C5: variants seen among roughly 807,000 people sequenced by gnomAD.
The protein encoded by C5 is C3 and PZP-like alpha-2-macroglobulin domain-containing protein 4.
C5 carries 140 observed loss-of-function variants against 218.8 expected under a neutral mutation model. The observed-to-expected ratio is 0.64, with a 90% CI of 0.56 to 0.74. The LOEUF (loss-of-function observed/expected upper bound fraction) is 0.74. Ranked by LOEUF, C5 falls within the 30% of genes least tolerant of loss-of-function variation. The pLI, the probability that C5 is intolerant of heterozygous loss-of-function variation, is 0.00. For missense variants in C5, 1,700 were observed against 1,969.6 expected (o/e 0.86, Z 2.59); for synonymous variants, 614 against 682.3 (o/e 0.90, Z 1.56).
At chr9:121,008,609 A>T (rs2047235836) in intron 17 of C5, 111 bp from the exon 18 acceptor site, 1 of 825,412 alleles carries the variant, frequency 1.2e-6, no homozygotes, top group African/African-American at 1.7e-5. Context: ...TGAAAGGTAA[A>T]TAAAACATTT....
At chr9:121,015,738 G>A (rs1273974234) in intron 15 of C5, among the ~76,000 whole-genome samples, 1 of 152,160 alleles carries the variant, frequency 6.6e-6, no homozygotes, top group East Asian at 1.9e-4. Flanking sequence ...TAGGTGAGCA[G>A]GACTTACAAC....
rs2047431660 is a variant in C5, at chr9:121,027,212, T to C, written c.821A>G (p.Asp274Gly). The C allele has an allele frequency of 6.2e-7, 1 of 1,603,866 alleles. No individual in the cohort carries two copies. Among genetic ancestry groups the C allele is most frequent in the East Asian group, 2.2e-5 (1 of 44,842 alleles). Residue 274 changes from aspartate to glycine, a missense_variant, in exon 8 of 41, where the codon GAC becomes GGC. Asp to Gly is a moderately conservative substitution (Grantham distance 94, BLOSUM62 -1). Coordinates refer to ENST00000223642, the MANE Select transcript of C5 (RefSeq NM_001735.3). Reference protein sequence around the residue: ...DVYITFGIREDLKDDQKEMMQ... With the variant: ...DVYITFGIREGLKDDQKEMMQ... ...CATTTCTTTTTGATCATCTTTTAAG[T>C]CTTCTCTTATTCCAAATGTGATATA...
intron 20 of C5, among the ~76,000 whole-genome samples, chr9:120,998,349 G>C (rs1002935309): frequency 7.2e-5 from 11 of 152,204 alleles, no homozygotes; most frequent in Non-Finnish European, 1.6e-4. Context: ...ACTAAATTGG[G>C]TACAGAGCTC....
rs372579408 is a variant in C5 at position 121,023,444 on chromosome 9, G to T, written c.1076C>A (p.Thr359Asn). The T allele has an allele frequency of 1.9e-6, 3 of 1,613,866 alleles. No individual in the cohort carries two copies. In the African/African-American group the frequency reaches 4.0e-5, roughly 22 times the overall value. The stretch of plus-strand genomic sequence containing the variant: ...AATCCCAGGCTTCAGGAAAAGAGGA[G>T]TAGCAACCAAATTCAGTTTGTAGGG... ...LSPYKLNLVA[T>N]PLFLKPGIPY... is the part of the protein sequence containing the mutation. The change falls in exon 10 of 41, where the codon ACT becomes AAT. Residue 359 changes from threonine (T) to asparagine (N), a missense_variant. Thr to Asn is a moderately conservative substitution (Grantham distance 65). Transcript: ENST00000223642.
chr9:120,989,918 G>A, intron 23 of C5, 138 bp from the exon 24 acceptor site: 1 of 676,464 alleles, frequency 1.5e-6, no homozygotes, highest in Non-Finnish European at 2.6e-6. Flanking sequence ...CAGAAACGGG[G>A]TGAGAAAAAA....
At chr9:121,030,896 G>A (rs2047468526) in intron 6 of C5, among the ~76,000 whole-genome samples, 2 of 152,192 alleles carry the variant, frequency 1.3e-5, no homozygotes, top group Non-Finnish European at 2.9e-5. Context: ...GGCTTTTGCT[G>A]TAGTCCAGGA....
intron 5 of C5, among the ~76,000 whole-genome samples, 167 bp downstream of exon 5, chr9:121,034,636 A>AT (rs1350913073): frequency 6.6e-6 from 1 of 152,138 alleles, no homozygotes; most frequent in Admixed American, 6.5e-5. Context: ...AGTATTGGAA[A>AT]TTTTTTGCCA....
At chr9:120,979,976 A>T in intron 28 of C5, 107 bp downstream of exon 28, 1 of 908,210 alleles carries the variant, frequency 1.1e-6, no homozygotes, top group South Asian at 1.4e-5. Context: ...CCTTGAGGAC[A>T]GGAATTGCAT....
chr9:121,006,567 G>A (rs2047217062), intron 19 of C5, among the ~76,000 whole-genome samples: 1 of 152,132 alleles, frequency 6.6e-6, no homozygotes, highest in South Asian at 2.1e-4. Flanking sequence ...CTTGAGGCTG[G>A]GTGCAGTGGC....
At chr9:120,997,858 A>T (rs2047130660) in intron 20 of C5, 84 bp from the exon 21 acceptor site, 1 of 1,165,774 alleles carries the variant, frequency 8.6e-7, no homozygotes, top group African/African-American at 1.5e-5. Context: ...GCTGGAGTGC[A>T]GCGGCATGAT....
At chr9:121,065,075 ATAT>A in the C5 span, among the ~76,000 whole-genome samples, 10 of 12,002 alleles carry the variant, frequency 8.3e-4, no homozygotes, top group South Asian at 0.042. Flanking sequence ...ATCTAAAAAA[ATAT>A]ATATATATAT....
chr9:121,019,226 G>T (rs1225252892), intron 12 of C5, among the ~76,000 whole-genome samples: 1 of 151,766 alleles, frequency 6.6e-6, no homozygotes, highest in Non-Finnish European at 1.5e-5. Flanking sequence ...CATGGATTTG[G>T]TATCTAGTCC....
At chr9:120,959,800 C>A (rs2046813454) in intron 38 of C5, among the ~76,000 whole-genome samples, 1 of 152,150 alleles carries the variant, frequency 6.6e-6, no homozygotes, top group African/African-American at 2.4e-5. Context: ...ACATGGATTG[C>A]AATCTTGAAT....
chr9:121,061,383 T>C, the C5 span, among the ~76,000 whole-genome samples: 5 of 152,054 alleles, frequency 3.3e-5, no homozygotes, highest in African/African-American at 1.2e-4. Flanking sequence ...AACCCATCCC[T>C]ACAAAAAATA....
intron 10 of C5, 36 bp from the exon 11 acceptor site, chr9:121,021,730 C>G: frequency 6.7e-7 from 1 of 1,484,024 alleles, no homozygotes. Context: ...ATTTCAACAG[C>G]TCATCACTTA....
chr9:121,037,476 C>G (rs563181012), intron 4 of C5, among the ~76,000 whole-genome samples: 2 of 151,820 alleles, frequency 1.3e-5, no homozygotes, highest in South Asian at 4.2e-4. Context: ...ACTGCACCAG[C>G]TAATTTTTTG....
At chr9:120,964,323 C>CA (rs959624380) in intron 33 of C5, among the ~76,000 whole-genome samples, 8 of 151,894 alleles carry the variant, frequency 5.3e-5, no homozygotes, top group Non-Finnish European at 8.8e-5. Flanking sequence ...ACTAAAAATA[C>CA]AAAAAAAATT....
intron 38 of C5, among the ~76,000 whole-genome samples, chr9:120,958,900 C>T: frequency 6.6e-6 from 1 of 152,124 alleles, no homozygotes. Flanking sequence ...ATCCTCCTAC[C>T]TCAGCTTCCC....
intron 20 of C5, among the ~76,000 whole-genome samples, chr9:121,005,159 TTCAAA>T (rs765129711): frequency 9.9e-5 from 15 of 152,208 alleles, no homozygotes; most frequent in Admixed American, 1.3e-4. Flanking sequence ...GACTGTGATT[TTCAAA>T]TCAAATCAGT....
Sources: allele counts gnomAD v4.1 joint callset (sites outside exome capture counted in the v4.1 genomes callset), GRCh38; gene constraint gnomAD v4.1.1; transcripts MANE v1.5; gene names NCBI Gene and HGNC (gene_info 2026-07-23, HGNC 2026-07-21).